LINGO2: variants seen among roughly 807,000 people sequenced by gnomAD.
LINGO2 encodes the protein leucine-rich repeat and immunoglobulin-like domain-containing nogo receptor-interacting protein 2.
LINGO2 carries 14 observed loss-of-function variants against 30.6 expected under a neutral mutation model. The observed-to-expected ratio is 0.46, with a 90% CI of 0.30 to 0.72. The LOEUF (loss-of-function observed/expected upper bound fraction) is 0.72. LINGO2 is among the 30% of genes least tolerant of loss of function. The pLI is 0.07. For synonymous variants in LINGO2, 317 were observed against 288.5 expected (o/e 1.10, Z -1.00); for missense variants, 729 against 751.7 (o/e 0.97, Z 0.35).
intron 4 of LINGO2, chr9:28,012,476 TTC>T (rs1822607415): frequency 1.3e-5 from 2 of 152,240 alleles, no homozygotes; most frequent in African/African-American, 4.8e-5. Context: ...TCTACTGCCT[TTC>T]TCTACTGTCT....
the LINGO2 span, among the ~76,000 whole-genome samples, chr9:28,896,839 A>T: frequency 6.6e-6 from 1 of 152,104 alleles, no homozygotes; most frequent in Non-Finnish European, 1.5e-5. Context: ...CTTACTTTTT[A>T]CATATCATCT....
At chr9:28,515,049 T>C (rs1426550449) in intron 1 of LINGO2, among the ~76,000 whole-genome samples, 1 of 152,078 alleles carries the variant, frequency 6.6e-6, no homozygotes, top group African/African-American at 2.4e-5. Context: ...TTTCAAAATA[T>C]CACTGTTCAT....
chr9:28,546,137 G>C (rs977204151), intron 1 of LINGO2, among the ~76,000 whole-genome samples: 2 of 151,948 alleles, frequency 1.3e-5, no homozygotes, highest in Non-Finnish European at 2.9e-5. Flanking sequence ...GATAAATTAA[G>C]GGAGGTGTGA....
chr9:28,724,541 C>T, the LINGO2 span, among the ~76,000 whole-genome samples: 2 of 152,074 alleles, frequency 1.3e-5, no homozygotes, highest in Admixed American at 6.6e-5. Context: ...CCAAGACTGA[C>T]CTTCTGGATG....
At chr9:27,951,395 T>C (rs1479558814) in intron 5 of LINGO2, among the ~76,000 whole-genome samples, 2 of 152,168 alleles carry the variant, frequency 1.3e-5, no homozygotes, top group Admixed American at 6.5e-5. Flanking sequence ...TTGTTTCTCA[T>C]AGGAATGAGG....
rs111851787 is a variant in LINGO2, at chr9:28,035,893, AAC to A, written c.-86-23490_-86-23489del. Among the ~76,000 whole-genome samples, 908 of 149,262 alleles carry A rather than the reference AAC, an allele frequency of 6.1e-3. 3 individuals are homozygous for A. The highest frequency in any genetic ancestry group is 0.017 in the Middle Eastern group (5 of 288). On this transcript the variant is annotated intron_variant, in intron 4 of 5. Transcript: ENST00000379992. ...AATGATAGCAGAACACACACACACA[AAC>A]ACACACACACACACACACACATGCG...
At chr9:28,575,448 T>C (rs1823922865) in intron 1 of LINGO2, among the ~76,000 whole-genome samples, 1 of 151,202 alleles carries the variant, frequency 6.6e-6, no homozygotes, top group African/African-American at 2.4e-5. Flanking sequence ...AAACCACGTT[T>C]TCACTCATAA....
At chr9:28,432,235 AT>A (rs112121717) in intron 2 of LINGO2, among the ~76,000 whole-genome samples, 1 of 151,992 alleles carries the variant, frequency 6.6e-6, no homozygotes, top group Non-Finnish European at 1.5e-5. Flanking sequence ...AACAATGACT[AT>A]TGGGGGAGAT....
At chr9:28,155,404 A>G (rs1828105761) in intron 4 of LINGO2, among the ~76,000 whole-genome samples, 1 of 152,180 alleles carries the variant, frequency 6.6e-6, no homozygotes, top group Non-Finnish European at 1.5e-5. Context: ...ACAATCCTAG[A>G]AAGTCCTATT....
At chr9:28,953,529 T>A in the LINGO2 span, among the ~76,000 whole-genome samples, 1 of 152,094 alleles carries the variant, frequency 6.6e-6, no homozygotes, top group Non-Finnish European at 1.5e-5. Flanking sequence ...GATAATTATA[T>A]TTTCCAAAAC....
the LINGO2 span, among the ~76,000 whole-genome samples, chr9:28,884,980 A>T: frequency 5.9e-3 from 141 of 23,884 alleles, 2 homozygotes; most frequent in African/African-American, 0.022. Context: ...TAATATATAT[A>T]ATATATAATA....
chr9:28,054,502 G>C (rs575993952), intron 4 of LINGO2, among the ~76,000 whole-genome samples: 1 of 152,038 alleles, frequency 6.6e-6, no homozygotes, highest in Non-Finnish European at 1.5e-5. Flanking sequence ...TATATATTAG[G>C]TATATTAAGA....
the LINGO2 span, among the ~76,000 whole-genome samples, chr9:29,039,452 A>G: frequency 6.6e-6 from 1 of 152,150 alleles, no homozygotes; most frequent in South Asian, 2.1e-4. Context: ...TGTAAAAAGG[A>G]GGTCACAGTA....
chr9:29,193,074 C>T, the LINGO2 span, among the ~76,000 whole-genome samples: 5 of 152,148 alleles, frequency 3.3e-5, no homozygotes, highest in African/African-American at 9.7e-5. Flanking sequence ...AACAACCTCA[C>T]CTTTTTCTGG....
the LINGO2 span, among the ~76,000 whole-genome samples, chr9:28,989,045 A>C: frequency 6.6e-6 from 1 of 152,122 alleles, no homozygotes; most frequent in Non-Finnish European, 1.5e-5. Flanking sequence ...CATTTACCAT[A>C]CTCATGCAGT....
At chr9:29,146,055 G>A in the LINGO2 span, among the ~76,000 whole-genome samples, 3 of 152,056 alleles carry the variant, frequency 2.0e-5, no homozygotes, top group Non-Finnish European at 4.4e-5. Flanking sequence ...GCATGTAAAG[G>A]TCAGTTATCA....
chr9:28,118,711 T>C (rs1035070802), intron 4 of LINGO2, among the ~76,000 whole-genome samples: 9 of 152,216 alleles, frequency 5.9e-5, no homozygotes, highest in African/African-American at 1.2e-4. Context: ...TAAAATTAAC[T>C]TATGCTTCAT....
At chr9:28,008,064 C>T (rs1822356464) in intron 5 of LINGO2, among the ~76,000 whole-genome samples, 2 of 152,210 alleles carry the variant, frequency 1.3e-5, no homozygotes, top group Admixed American at 1.3e-4. Context: ...TGTTATATGT[C>T]CTAATGGAGG....
chr9:28,206,107 G>A (rs1820398903), intron 4 of LINGO2, among the ~76,000 whole-genome samples: 1 of 135,820 alleles, frequency 7.4e-6, no homozygotes, highest in African/African-American at 2.8e-5. Flanking sequence ...GGAGGTTGCA[G>A]TAAGCTGAGA....
Sources: gnomAD v4.1 joint callset for allele counts (sites outside exome capture counted in the v4.1 genomes callset) on GRCh38, gnomAD v4.1.1 for gene constraint, MANE v1.5 for transcripts, NCBI Gene and HGNC (gene_info 2026-07-23, HGNC 2026-07-21) for gene names.